The following FILIP1 variants were observed in gnomAD, a reference collection of about 807,000 sequenced individuals.
The protein encoded by FILIP1 is filamin A interacting protein 1, also known as filamin-A-interacting protein 1.
In FILIP1, 61 loss-of-function variants were observed where a neutral mutation model predicts 102.1. That is an observed-to-expected ratio of 0.60 (90% CI 0.49 to 0.74). FILIP1 has a LOEUF of 0.74. FILIP1 is among the 30% of genes least tolerant of loss of function. The pLI, the probability that FILIP1 is intolerant of heterozygous loss-of-function variation, is 0.00. For missense variants in FILIP1, 1,314 were observed against 1,441.2 expected (o/e 0.91, Z 1.43); for synonymous variants, 491 against 526.9 (o/e 0.93, Z 0.93).
chr6:75,418,536 G>A (rs1248506055), intron 1 of FILIP1, among the ~76,000 whole-genome samples: 5 of 152,104 alleles, frequency 3.3e-5, no homozygotes, highest in Admixed American at 3.3e-4. Context: ...ATCAGTGTTG[G>A]CCAAATCCTG....
At chr6:75,446,703 G>A (rs540743578) in intron 1 of FILIP1, among the ~76,000 whole-genome samples, 1 of 152,242 alleles carries the variant, frequency 6.6e-6, no homozygotes, top group Admixed American at 6.5e-5. Flanking sequence ...AATAAAAGGA[G>A]ACTAAACCTT....
At chr6:75,364,171 G>A (rs567241432) in intron 2 of FILIP1, among the ~76,000 whole-genome samples, 1 of 152,136 alleles carries the variant, frequency 6.6e-6, no homozygotes, top group Non-Finnish European at 1.5e-5. Flanking sequence ...CTCACTTCAA[G>A]ACAAAAATGG....
chr6:75,475,792 T>C (rs892170147), intron 1 of FILIP1, among the ~76,000 whole-genome samples: 7 of 152,304 alleles, frequency 4.6e-5, no homozygotes, highest in African/African-American at 1.7e-4. Flanking sequence ...AAAAACAGTA[T>C]GATTATATCC....
chr6:75,371,354 A>G (rs181565983), intron 2 of FILIP1, among the ~76,000 whole-genome samples: 25 of 152,326 alleles, frequency 1.6e-4, no homozygotes, highest in Middle Eastern at 3.4e-3. Flanking sequence ...TGTTACTAAA[A>G]TATCAGAAAC....
chr6:75,353,577 G>C lies in FILIP1; in HGVS notation c.591C>G (p.Ser197Arg), dbSNP rs764584189. The change falls in exon 4 of 6, where the codon AGC (serine) becomes AGG (arginine). Residue 197 changes from serine (S) to arginine (R), a missense_variant. By Grantham distance (110) the Ser-to-Arg change is moderately radical (BLOSUM62 -1). This residue lies in a region of FILIP1 where 494 missense variants were observed against 511.2 expected (regional missense o/e 0.97). Transcript: ENST00000237172. ...KHKHTDYMNK[S>R]DDFTNLLEQE... is the part of the protein sequence containing the mutation. Reference sequence around the variant, plus strand: ...GCTCCAGCAGGTTGGTGAAGTCGTCGCTCTTGTTCATGTAGTCAGTGTGTT... The same window carrying C: ...GCTCCAGCAGGTTGGTGAAGTCGTCCCTCTTGTTCATGTAGTCAGTGTGTT... 1 of 1,614,104 alleles carries C rather than the reference G, an allele frequency of 6.2e-7. No individual in the cohort carries two copies.
chr6:75,465,287 C>A (rs372508344), intron 1 of FILIP1: 1 of 311,524 alleles, frequency 3.2e-6, no homozygotes. Context: ...AACAATTGGG[C>A]CTCCAAGAAC....
At chr6:75,373,604 C>T (rs147144337) in intron 2 of FILIP1, among the ~76,000 whole-genome samples, 27 of 150,926 alleles carry the variant, frequency 1.8e-4, no homozygotes, top group African/African-American at 6.7e-4. Flanking sequence ...CACGCCTGGC[C>T]AACAATTTAA....
At chr6:75,397,638 T>C (rs1279574991) in intron 2 of FILIP1, among the ~76,000 whole-genome samples, 2 of 151,002 alleles carry the variant, frequency 1.3e-5, no homozygotes, top group Admixed American at 1.3e-4. Flanking sequence ...ACATCCCATC[T>C]CAGGGCAGAC....
intron 1 of FILIP1, among the ~76,000 whole-genome samples, chr6:75,439,000 A>G (rs1778114759): frequency 6.6e-6 from 1 of 152,226 alleles, no homozygotes; most frequent in Non-Finnish European, 1.5e-5. Context: ...CTGCTGACCA[A>G]TGTGATAGGC....
intron 1 of FILIP1, among the ~76,000 whole-genome samples, chr6:75,439,944 C>T (rs1778152451): frequency 6.6e-6 from 1 of 152,222 alleles, no homozygotes; most frequent in South Asian, 2.1e-4. Context: ...AAAGGCAAAT[C>T]ACCATGGATA....
At chr6:75,412,910 A>T (rs1777126019) in intron 2 of FILIP1, among the ~76,000 whole-genome samples, 1 of 152,134 alleles carries the variant, frequency 6.6e-6, no homozygotes, top group African/African-American at 2.4e-5. Context: ...CTTTTTATTT[A>T]TTGATAGCTG....
At chr6:75,326,791 T>C (rs118137373) in intron 4 of FILIP1, among the ~76,000 whole-genome samples, 1 of 152,356 alleles carries the variant, frequency 6.6e-6, no homozygotes, top group Non-Finnish European at 1.5e-5. Flanking sequence ...CAAATGGATA[T>C]TGCCTGGACA....
rs1485121006 is a variant in FILIP1, at chr6:75,349,109, G to A, written c.629+4430C>T. ...TCAATGTCTCCACCTGTAGAATGAG[G>A]GATTTGAAAGGGCTGATCTCAAAAT... On this transcript the variant is annotated intron_variant, in intron 4 of 5. Transcript: ENST00000237172. Among the ~76,000 whole-genome samples the A allele has an allele frequency of 2.0e-5, 3 of 152,124 alleles. No homozygotes were observed. In the East Asian group the frequency reaches 5.8e-4, roughly 29 times the overall value.
At chr6:75,455,217 A>C (rs1446817011) in intron 1 of FILIP1, 1 of 152,224 alleles carries the variant, frequency 6.6e-6, no homozygotes, top group East Asian at 1.9e-4. Context: ...AAATGCTTTC[A>C]ACCCAGATCC....
chr6:75,383,507 A>C (rs1775969324), intron 2 of FILIP1, among the ~76,000 whole-genome samples: 1 of 152,186 alleles, frequency 6.6e-6, no homozygotes, highest in African/African-American at 2.4e-5. Context: ...TAAAAAAATC[A>C]ACATTAGAGA....
At chr6:75,477,536 A>C (rs1259632978) in intron 1 of FILIP1, among the ~76,000 whole-genome samples, 1 of 152,038 alleles carries the variant, frequency 6.6e-6, no homozygotes, top group South Asian at 2.1e-4. Context: ...AATGTATATA[A>C]TTATAATTTG....
At chr6:75,416,544 C>T (rs150948138) in intron 1 of FILIP1, among the ~76,000 whole-genome samples, 33 of 147,536 alleles carry the variant, frequency 2.2e-4, no homozygotes, top group African/African-American at 7.8e-4. Context: ...TATTTTATCA[C>T]AGCTTATTTG....
intron 4 of FILIP1, chr6:75,319,906 C>A (rs924402105): frequency 1.1e-5 from 5 of 467,212 alleles, no homozygotes; most frequent in African/African-American, 8.3e-5. Context: ...TATGCTCCTC[C>A]TCCGGACAAG....
intron 3 of FILIP1, among the ~76,000 whole-genome samples, chr6:75,357,865 T>C (rs1034477527): frequency 6.6e-6 from 1 of 152,172 alleles, no homozygotes; most frequent in African/African-American, 2.4e-5. Context: ...GAAGACTATA[T>C]CCCATAACTA....
Sources: gnomAD v4.1 joint callset for allele counts (sites outside exome capture counted in the v4.1 genomes callset) on GRCh38, gnomAD v4.1.1 for gene constraint, gnomAD v4.1.1 regional missense constraint, MANE v1.5 for transcripts, NCBI Gene and HGNC (gene_info 2026-07-23, HGNC 2026-07-21) for gene names.